GRK1: variants seen among roughly 807,000 people sequenced by gnomAD.
GRK1 encodes rhodopsin kinase GRK1.
Under a neutral mutation model 41.7 loss-of-function variants are expected in GRK1, and 28 were observed. That is an observed-to-expected ratio of 0.67 (90% confidence interval 0.50 to 0.92). The LOEUF is 0.92. Ranked by LOEUF, GRK1 falls within the 40% of genes least tolerant of loss-of-function variation. GRK1 has a pLI of 0.00. For missense variants in GRK1, 703 were observed against 671.2 expected, an observed-to-expected ratio of 1.05 and a Z score of -0.52; for synonymous variants, 327 against 286.7, an observed-to-expected ratio of 1.14 and a Z score of -1.42.
upstream of GRK1, among the ~76,000 whole-genome samples, chr13:113,663,951 T>G (rs532842993): frequency 9.2e-5 from 14 of 152,152 alleles, no homozygotes; most frequent in Non-Finnish European, 1.3e-4. Flanking sequence ...AAATAGAAAC[T>G]TCTATTCACA....
chr13:113,733,586 CGTGTGTGTGCAT>C (rs2049956462), intron 6 of GRK1, among the ~76,000 whole-genome samples: 1 of 145,346 alleles, frequency 6.9e-6, no homozygotes, highest in Non-Finnish European at 1.5e-5. Context: ...TGTGTGCATA[CGTGTGTGTGCAT>C]GTGTGCGCAT....
chr13:113,733,231 A>G, intron 6 of GRK1, 146 bp downstream of exon 6: 2 of 715,124 alleles, frequency 2.8e-6, no homozygotes, highest in Non-Finnish European at 2.3e-6. Flanking sequence ...CAAGGCCCCC[A>G]GTCCTCCACT....
Position 113,732,895 on chromosome 13 carries a change from G to T in GRK1, c.1206G>T (p.Lys402Asn). ...FRARGEKVENKELKHRIISEP... is the reference protein window; with the variant it reads ...FRARGEKVENNELKHRIISEP... Reference sequence around the variant, plus strand: ...GCGTGTCCCCACAGGTGGAGAACAAGGAGCTGAAGCACCGGATCATCTCAG... The same window carrying T: ...GCGTGTCCCCACAGGTGGAGAACAATGAGCTGAAGCACCGGATCATCTCAG... Residue 402 changes from lysine (K) to asparagine (N), a missense_variant, in exon 6 of 7, where the codon AAG (lysine) becomes AAT (asparagine). Transcript: ENST00000335678. 6.5e-7 allele frequency: 1 copy of T among 1,536,636 alleles called. No homozygotes were observed. The highest frequency in any genetic ancestry group is 8.7e-7 in the Non-Finnish European group (1 of 1,146,890).
In GRK1 at chr13:113,731,215, G is replaced by T. The variant is rs2049934498; in HGVS notation, c.1070-4G>T. On this transcript the variant is annotated splice_polypyrimidine_tract_variant and splice_region_variant and intron_variant, in intron 4 of 6. Transcript: ENST00000335678. The surrounding 1 kb of genome is among the most constrained non-coding windows in gnomAD (Gnocchi z 5.6). ...TCTGAACCCGCAATGTCCCTTGCTGGCAGGTTTCATGGCCCCCGAGCTCCT... is the reference window on the plus strand; with the variant it reads ...TCTGAACCCGCAATGTCCCTTGCTGTCAGGTTTCATGGCCCCCGAGCTCCT... 6.5e-7 allele frequency: 1 copy of T among 1,536,824 alleles called. No homozygotes were observed. The highest frequency in any genetic ancestry group is 8.7e-7 in the Non-Finnish European group (1 of 1,146,692).
intron 6 of GRK1, among the ~76,000 whole-genome samples, chr13:113,733,799 GTA>G (rs2049968209): frequency 1.4e-5 from 2 of 139,058 alleles, no homozygotes; most frequent in East Asian, 2.0e-4. Context: ...GTGTGTATGT[GTA>G]TCTGTGTGCA....
In GRK1 at chr13:113,731,736, A is replaced by G. The variant is rs969792437; in HGVS notation, c.1194+393A>G. Among the ~76,000 whole-genome samples, 2 of 152,058 alleles carry G rather than the reference A, an allele frequency of 1.3e-5. No individual in the cohort carries two copies. The highest frequency in any genetic ancestry group is 2.9e-5 in the Non-Finnish European group (2 of 67,990). The stretch of plus-strand genomic sequence containing the variant: ...CCCCAGACCCTGGGCAGTGGGACAA[A>G]CCACCTTTTGTGGTTTGGGGTGGAG... On this transcript the variant is annotated intron_variant, in intron 5 of 6. Transcript: ENST00000335678. The surrounding 1 kb of genome is among the most constrained non-coding windows in gnomAD (Gnocchi z 5.6).
At chr13:113,649,187 G>T in the GRK1 span, 3 of 551,252 alleles carry the variant, frequency 5.4e-6, no homozygotes, top group Admixed American at 1.1e-4. This position sits in a 1 kb window ranked among gnomAD's most constrained non-coding sequence, Gnocchi z 4.7. Context: ...CAACAAGGAA[G>T]AACTGATACT....
At chr13:113,649,467 G>C in the GRK1 span, 1 of 1,563,810 alleles carries the variant, frequency 6.4e-7, no homozygotes, top group African/African-American at 1.4e-5. This position sits in a 1 kb window ranked among gnomAD's most constrained non-coding sequence, Gnocchi z 4.7. Flanking sequence ...CCTTGCACAC[G>C]ATGGCGACCT....
At chr13:113,724,613 C>T (rs990370910) in intron 4 of GRK1, among the ~76,000 whole-genome samples, 6 of 152,210 alleles carry the variant, frequency 3.9e-5, no homozygotes, top group African/African-American at 1.4e-4. Flanking sequence ...TCTGTGCCCA[C>T]ACCCCTCATG....
intron 6 of GRK1, among the ~76,000 whole-genome samples, chr13:113,734,235 C>G (rs146857547): frequency 6.6e-6 from 1 of 152,188 alleles, no homozygotes; most frequent in Admixed American, 6.5e-5. Flanking sequence ...AAGTCGCTTT[C>G]GTATGTTAGG....
the GRK1 span, among the ~76,000 whole-genome samples, chr13:113,651,466 A>T: frequency 6.6e-6 from 1 of 152,228 alleles, no homozygotes; most frequent in East Asian, 1.9e-4. Context: ...AAACAATAAG[A>T]AAAAGCCCCA....
Position 113,735,564 on chromosome 13 carries a change from C to A in GRK1, c.*201C>A. 1 of 527,228 alleles carries A rather than the reference C, an allele frequency of 1.9e-6. No homozygotes were observed. The highest frequency in any genetic ancestry group is 3.3e-6 in the Non-Finnish European group (1 of 307,092). The allele number at this position is 527,228 out of a possible 1,614,324, so 32.7% of individuals were successfully genotyped here. A position where few individuals can be genotyped will look rare whatever the true frequency, so the allele number is the denominator to read the frequency against. On this transcript the variant is annotated 3_prime_UTR_variant, in exon 7 of 7. Transcript: ENST00000335678. ...AGCCGCCAGACGCACATGCTGGTGC[C>A]GTGAGCCCCCGACTGCATATTTCAC...
chr13:113,655,042 C>T, the GRK1 span: 1 of 1,479,802 alleles, frequency 6.8e-7, no homozygotes, highest in Non-Finnish European at 9.1e-7. Context: ...GACCATCTTC[C>T]CTACCTAGTT....
In GRK1 at chr13:113,671,726, T is replaced by C. The variant is rs2049859523; in HGVS notation, c.985+70T>C. ...GCGGGGCGCAGCTTCCTTGGGGGTCTCTGCACAACCTCACGAGGGCTGACG... is the reference window on the plus strand; with the variant it reads ...GCGGGGCGCAGCTTCCTTGGGGGTCCCTGCACAACCTCACGAGGGCTGACG... On this transcript the variant is annotated intron_variant, in intron 3 of 6. Transcript: ENST00000335678. This position sits in a 1 kb window ranked among gnomAD's most constrained non-coding sequence, Gnocchi z 4.1. 2 of 699,138 alleles carry C rather than the reference T, an allele frequency of 2.9e-6. No individual in the cohort carries two copies. The highest frequency in any genetic ancestry group is 3.0e-5 in the South Asian group (2 of 67,478). 43.3% of individuals were successfully genotyped at this position (699,138 alleles called of 1,614,324 possible). A position where few individuals can be genotyped will look rare whatever the true frequency, so the allele number is the denominator to read the frequency against.
At chr13:113,728,819 AGAGGGCGGAAGGGCCGGG>A (rs2049912949) in intron 4 of GRK1, among the ~76,000 whole-genome samples, 1 of 152,122 alleles carries the variant, frequency 6.6e-6, no homozygotes, top group African/African-American at 2.4e-5. Context: ...GATGCCCTGG[AGAGGGCGGAAGGGCCGGG>A]GAGGGCACAG....
At chr13:113,728,432 CGAT>C (rs2049909755) in intron 4 of GRK1, among the ~76,000 whole-genome samples, 53 of 141,784 alleles carry the variant, frequency 3.7e-4, no homozygotes, top group African/African-American at 1.3e-3. Flanking sequence ...GTACCCATGG[CGAT>C]GAGGAGTACC....
At chr13:113,672,172 C>T (rs1038659312) in intron 3 of GRK1, among the ~76,000 whole-genome samples, 140 of 150,214 alleles carry the variant, frequency 9.3e-4, no homozygotes, top group African/African-American at 3.1e-3. Context: ...GTGCTGTGTG[C>T]GCGTATGTGG....
Position 113,723,146 on chromosome 13 carries a change from C to A in GRK1, c.1058C>A (p.Ala353Glu), listed in dbSNP as rs1183314501. Reference sequence around the variant, plus strand: ...GGACAGAGCAAGACCAAGGGCTACGCAGGGACCCCAGGTAAGGGTCTGAGC... The same window carrying A: ...GGACAGAGCAAGACCAAGGGCTACGAAGGGACCCCAGGTAAGGGTCTGAGC... ...LDGQSKTKGY[A>E]GTPGFMAPEL... is the part of the protein sequence containing the mutation. Residue 353 changes from alanine to glutamate, a missense_variant, in exon 4 of 7, where the codon GCA becomes GAA. Coordinates refer to ENST00000335678, the MANE Select transcript of GRK1 (RefSeq NM_002929.3). 2.9e-6 allele frequency: 2 copies of A among 701,118 alleles called. No individual in the cohort carries two copies. The highest frequency in any genetic ancestry group is 3.5e-5 in the African/African-American group (2 of 56,690). 43.4% of individuals were successfully genotyped at this position (701,118 alleles called of 1,614,324 possible).
At chr13:113,670,935 C>T (rs1260344694) in intron 2 of GRK1, among the ~76,000 whole-genome samples, 1 of 151,802 alleles carries the variant, frequency 6.6e-6, no homozygotes, top group Non-Finnish European at 1.5e-5. Context: ...CCTTGTGGTC[C>T]GCCTGGCTCC....
Sources: allele counts gnomAD v4.1 joint callset (sites outside exome capture counted in the v4.1 genomes callset), GRCh38; gene constraint gnomAD v4.1.1; non-coding constraint Gnocchi (gnomAD v3.1); transcripts MANE v1.5; gene names NCBI Gene and HGNC (gene_info 2026-07-23, HGNC 2026-07-21).